NOP9: variants seen among roughly 807,000 people sequenced by gnomAD.
NOP9 encodes nucleolar protein 9.
A neutral mutation model predicts 63.0 loss-of-function variants in NOP9; 50 were observed. The ratio of observed to expected loss-of-function variants is 0.79; its 90% CI spans 0.63 to 1.00. NOP9 has a LOEUF of 1.00. Ranked by LOEUF, NOP9 falls within the 50% of genes least tolerant of loss-of-function variation. NOP9 has a pLI of 0.00. For missense variants in NOP9, 758 were observed against 803.0 expected, an observed-to-expected ratio of 0.94 and a Z score of 0.68; for synonymous variants, 343 against 332.8, an observed-to-expected ratio of 1.03 and a Z score of -0.33.
intron 2 of NOP9, among the ~76,000 whole-genome samples, chr14:24,301,085 GGA>G (rs1321182629): frequency 1.3e-5 from 2 of 152,174 alleles, no homozygotes; most frequent in African/African-American, 4.8e-5. Context: ...AATGGACGCA[GGA>G]GGAGAATTTT....
intron 5 of NOP9, 117 bp from the exon 6 acceptor site, chr14:24,302,957 G>A (rs2041402935): frequency 8.2e-7 from 1 of 1,225,046 alleles, no homozygotes; most frequent in Non-Finnish European, 1.1e-6. Flanking sequence ...CCTGATACTG[G>A]CAATGCTTTT....
Position 24,307,938 on chromosome 14 carries a change from G to A in NOP9, c.*2843G>A. 1 of 1,296,202 alleles carries A rather than the reference G, an allele frequency of 7.7e-7. No homozygotes were observed. The highest frequency in any genetic ancestry group is 1.1e-6 in the Non-Finnish European group (1 of 914,394). The allele number at this position is 1,296,202 out of a possible 1,614,324, so 80.3% of individuals were successfully genotyped here. A position where few individuals can be genotyped will look rare whatever the true frequency, so the allele number is the denominator to read the frequency against. On this transcript the variant is annotated 3_prime_UTR_variant, in exon 10 of 10. Transcript: ENST00000267425. ...TGCTGGGGCTTTAGTGGTGTTTTCT[G>A]TTACAAACCTGGGATCTCAGCCCAG...
chr14:24,279,771 C>T, the NOP9 span, among the ~76,000 whole-genome samples: 8 of 152,232 alleles, frequency 5.3e-5, no homozygotes, highest in African/African-American at 1.9e-4. Context: ...AAGAAGCTCA[C>T]TGCCTGGCAA....
chr14:24,302,060 G>A lies in NOP9; in HGVS notation c.904G>A (p.Ala302Thr). The A allele has an allele frequency of 6.2e-7, 1 of 1,614,112 alleles. No homozygotes were observed. Among genetic ancestry groups the A allele is most frequent in the Non-Finnish European group, 8.5e-7 (1 of 1,179,992 alleles). ...CCAGTTTTGCGCTCATCTCTGCAAT[G>A]CTGTGATTGGCTACCTGAGTACTCG... ...LPQFCAHLCN[A>T]VIGYLSTRGS... The change falls in exon 4 of 10, where the codon GCT becomes ACT. Residue 302 changes from alanine (A) to threonine (T), a missense_variant. Ala to Thr is a moderately conservative substitution (Grantham distance 58). Coordinates refer to ENST00000267425, the MANE Select transcript of NOP9 (RefSeq NM_174913.3).
At chr14:24,291,206 C>T in the NOP9 span, 8 of 1,614,042 alleles carry the variant, frequency 5.0e-6, no homozygotes, top group Non-Finnish European at 6.8e-6. Context: ...CACTCAGGCT[C>T]AGGATATTGG....
the NOP9 span, among the ~76,000 whole-genome samples, chr14:24,283,449 AC>A: frequency 6.6e-6 from 1 of 151,930 alleles, no homozygotes; most frequent in African/African-American, 2.4e-5. Context: ...AAAAAAAAAA[AC>A]TTAACCAGGC....
At chr14:24,291,720 CA>C in the NOP9 span, 3 of 1,323,834 alleles carry the variant, frequency 2.3e-6, no homozygotes, top group Non-Finnish European at 3.3e-6. Context: ...AGAAAAAGAC[CA>C]AAGACCAAAG....
chr14:24,291,416 C>T, the NOP9 span: 1 of 1,107,460 alleles, frequency 9.0e-7, no homozygotes. Context: ...ACTGGGAATG[C>T]TGACCCCTTG....
chr14:24,280,721 C>T, the NOP9 span, among the ~76,000 whole-genome samples: 4 of 152,144 alleles, frequency 2.6e-5, no homozygotes, highest in Non-Finnish European at 5.9e-5. Flanking sequence ...AAATACACAC[C>T]TAAGACAATT....
the NOP9 span, chr14:24,293,972 G>T: frequency 6.6e-6 from 1 of 152,316 alleles, no homozygotes; most frequent in South Asian, 2.1e-4. Context: ...TATTACGAAA[G>T]GAACCTGTCA....
chr14:24,289,400 A>G, the NOP9 span, among the ~76,000 whole-genome samples: 10 of 152,196 alleles, frequency 6.6e-5, no homozygotes, highest in Admixed American at 5.2e-4. Context: ...GACTGAGATT[A>G]CAGGTGTAAA....
upstream of NOP9, chr14:24,298,945 G>A (rs201442139): frequency 1.3e-6 from 2 of 1,596,818 alleles, no homozygotes; most frequent in African/African-American, 2.7e-5. Flanking sequence ...TGGTCCCAGA[G>A]GAAGCACTCA....
chr14:24,272,312 G>T, the NOP9 span, among the ~76,000 whole-genome samples: 1 of 152,196 alleles, frequency 6.6e-6, no homozygotes, highest in Non-Finnish European at 1.5e-5. Flanking sequence ...TCAAACACCT[G>T]TTGGATATCA....
At chr14:24,276,674 T>A in the NOP9 span, among the ~76,000 whole-genome samples, 1 of 151,926 alleles carries the variant, frequency 6.6e-6, no homozygotes, top group African/African-American at 2.4e-5. Context: ...TAAGATGGAG[T>A]AGGACAGGGG....
upstream of NOP9, among the ~76,000 whole-genome samples, chr14:24,295,025 GTTTTC>G (rs1334677304): frequency 1.3e-5 from 2 of 152,124 alleles, no homozygotes; most frequent in African/African-American, 4.8e-5. Flanking sequence ...CATATTCTTT[GTTTTC>G]TTTTCTTTTT....
Position 24,307,397 on chromosome 14 carries a change from C to G in NOP9, c.*2302C>G, listed in dbSNP as rs1465701305. 5 of 1,613,794 alleles carry G rather than the reference C, an allele frequency of 3.1e-6. No homozygotes were observed. In the East Asian group the frequency reaches 1.1e-4, roughly 36 times the overall value. ...TTGGCTAGCAGCTCCTGGCGGGTGG[C>G]AGCTGTCAGGCCTTTCCGGATGGTC... On this transcript the variant is annotated 3_prime_UTR_variant, in exon 10 of 10. Coordinates refer to ENST00000267425, the MANE Select transcript of NOP9 (RefSeq NM_174913.3).
At chr14:24,298,353 T>C (rs1012141276), upstream of NOP9, among the ~76,000 whole-genome samples, 2 of 152,240 alleles carry the variant, frequency 1.3e-5, no homozygotes, top group Admixed American at 1.3e-4. Flanking sequence ...TACTCCACCA[T>C]GGACTGAATC....
chr14:24,305,885 G>A lies in NOP9; in HGVS notation c.*790G>A, dbSNP rs972895574. ...AACTAGGGGTAGGTGGGTGCAAGAG[G>A]ACGAATTATGGGGACTATCCAACTG... On this transcript the variant is annotated 3_prime_UTR_variant, in exon 10 of 10. Transcript: ENST00000267425. 1.3e-6 allele frequency: 2 copies of A among 1,583,770 alleles called. No individual in the cohort carries two copies. The highest frequency in any genetic ancestry group is 1.3e-5 in the African/African-American group (1 of 74,394).
At chr14:24,273,176 ATTTTTTT>A in the NOP9 span, among the ~76,000 whole-genome samples, 4 of 137,860 alleles carry the variant, frequency 2.9e-5, no homozygotes, top group South Asian at 6.9e-4. Flanking sequence ...AGTGCTTTAA[ATTTTTTT>A]TTTTTTTTTT....
Sources: gnomAD v4.1 joint callset for allele counts (sites outside exome capture counted in the v4.1 genomes callset) on GRCh38, gnomAD v4.1.1 for gene constraint, MANE v1.5 for transcripts, NCBI Gene and HGNC (gene_info 2026-07-23, HGNC 2026-07-21) for gene names.